Variants in BEST3 observed in about 807,000 individuals in gnomAD.
BEST3 encodes the protein bestrophin-3.
BEST3 carries 50 observed loss-of-function variants against 47.1 expected under a neutral mutation model. The observed-to-expected ratio is 1.06, with a 90% CI of 0.85 to 1.34. BEST3 has a LOEUF of 1.34. Ranked by LOEUF, BEST3 falls within the 40% of genes most tolerant of loss-of-function variation. The pLI is 0.00. For synonymous variants in BEST3, 282 were observed against 298.8 expected, an observed-to-expected ratio of 0.94 and a Z score of 0.58; for missense variants, 765 against 817.0, an observed-to-expected ratio of 0.94 and a Z score of 0.78.
intron 1 of BEST3, 24 bp downstream of exon 1, chr12:69,699,181 C>T: frequency 1.0e-6 from 1 of 976,242 alleles, no homozygotes; most frequent in Non-Finnish European, 1.2e-6. Context: ...AATTAAAATG[C>T]ATAGGTTTAC....
chr12:69,687,181 G>A (rs1056643027), intron 4 of BEST3: 1 of 152,238 alleles, frequency 6.6e-6, no homozygotes, highest in African/African-American at 2.4e-5. Context: ...TAGAGCCAGA[G>A]CATCTGAAGT....
downstream of BEST3, among the ~76,000 whole-genome samples, chr12:69,651,419 G>A (rs1474321336): frequency 1.3e-5 from 2 of 152,136 alleles, no homozygotes; most frequent in Non-Finnish European, 2.9e-5. Context: ...ATGGCCACTT[G>A]GGCTCAGTAG....
In BEST3 at chr12:69,699,236, AAG is replaced by A; in HGVS notation, c.-49_-48del. ...ATTTGGTTTGTAGTCTCCGACAGGAAAGAGAATCTTCAAATTTCGGGCTCCCC... is the reference window on the plus strand; with the variant it reads ...ATTTGGTTTGTAGTCTCCGACAGGAAAGAATCTTCAAATTTCGGGCTCCCC... On this transcript the variant is annotated 5_prime_UTR_variant, in exon 1 of 10. Transcript: ENST00000330891. 1 of 985,440 alleles carries A rather than the reference AAG, an allele frequency of 1.0e-6. No homozygotes were observed. Among genetic ancestry groups the A allele is most frequent in the South Asian group, 4.7e-5 (1 of 21,284 alleles). The allele number at this position is 985,440 out of a possible 1,614,324, so 61.0% of individuals were successfully genotyped here. A position where few individuals can be genotyped will look rare whatever the true frequency, so the allele number is the denominator to read the frequency against.
intron 9 of BEST3, among the ~76,000 whole-genome samples, chr12:69,659,794 TA>T (rs1369763751): frequency 1.3e-5 from 2 of 152,136 alleles, no homozygotes; most frequent in African/African-American, 4.8e-5. Flanking sequence ...AGGCTCAATA[TA>T]ATACCACTTA....
Position 69,653,973 on chromosome 12 carries a change from G to C in BEST3, c.*934C>G, listed in dbSNP as rs11177774. ...GCAAATTTCATATTCTCTTGGCTTC[G>C]TTTTTCTCCAGTGCCCAACACCAAA... On this transcript the variant is annotated 3_prime_UTR_variant, in exon 10 of 10. Transcript: ENST00000330891. 175,139 of 985,292 alleles carry C rather than the reference G, an allele frequency of 0.18. 15,992 individuals carry two copies. The highest frequency in any genetic ancestry group is 0.19 in the Middle Eastern group (363 of 1,914). The allele number at this position is 985,292 out of a possible 1,614,324, so 61.0% of individuals were successfully genotyped here.
At chr12:69,674,552 TTC>T (rs1426298761) in intron 7 of BEST3, among the ~76,000 whole-genome samples, 1 of 152,208 alleles carries the variant, frequency 6.6e-6, no homozygotes, top group Non-Finnish European at 1.5e-5. Flanking sequence ...TATCTGCCCT[TTC>T]TTGCCTGGAG....
intron 4 of BEST3, among the ~76,000 whole-genome samples, chr12:69,692,181 AAAC>A (rs1260301577): frequency 1.3e-5 from 2 of 152,198 alleles, no homozygotes; most frequent in African/African-American, 4.8e-5. Flanking sequence ...GGCAAAACAA[AAAC>A]AACAACAACA....
intron 9 of BEST3, chr12:69,669,895 A>T (rs183816501): frequency 6.6e-6 from 1 of 152,342 alleles, no homozygotes; most frequent in African/African-American, 2.4e-5. Context: ...TCAAAAAATT[A>T]TCTTAACCAT....
At chr12:69,656,816 G>A (rs950153270) in intron 9 of BEST3, among the ~76,000 whole-genome samples, 4 of 152,126 alleles carry the variant, frequency 2.6e-5, no homozygotes, top group African/African-American at 4.8e-5. Flanking sequence ...AGGGGTCAAG[G>A]GATGAGCTAG....
At chr12:69,663,284 T>C (rs974844865) in intron 9 of BEST3, among the ~76,000 whole-genome samples, 2 of 152,172 alleles carry the variant, frequency 1.3e-5, no homozygotes, top group African/African-American at 4.8e-5. Context: ...TTTTTGTTCA[T>C]TTTTTTTTAA....
At chr12:69,649,286 C>G (rs1229107249), downstream of BEST3, among the ~76,000 whole-genome samples, 2 of 152,260 alleles carry the variant, frequency 1.3e-5, no homozygotes, top group African/African-American at 2.4e-5. Flanking sequence ...GCATGAGCCA[C>G]TGTGCCGGAT....
At chr12:69,687,872 G>C (rs943040069) in intron 4 of BEST3, among the ~76,000 whole-genome samples, 5 of 152,162 alleles carry the variant, frequency 3.3e-5, no homozygotes, top group African/African-American at 1.2e-4. Flanking sequence ...TTTAAGATAA[G>C]ATTTGTAGTA....
intron 9 of BEST3, chr12:69,660,815 A>G (rs1385411434): frequency 6.6e-6 from 1 of 152,224 alleles, no homozygotes; most frequent in Non-Finnish European, 1.5e-5. Context: ...AAGGGAGAGC[A>G]TGCATTATTT....
At chr12:69,664,136 G>C (rs922252967) in intron 9 of BEST3, among the ~76,000 whole-genome samples, 1 of 152,170 alleles carries the variant, frequency 6.6e-6, no homozygotes, top group Non-Finnish European at 1.5e-5. Flanking sequence ...CATTTGGAGT[G>C]TTGATTTTGA....
At chr12:69,655,851 T>C in intron 9 of BEST3, 38 bp from the exon 10 acceptor site, 11 of 1,551,900 alleles carry the variant, frequency 7.1e-6, no homozygotes, top group Non-Finnish European at 9.6e-6. Flanking sequence ...CAGAGTAGCT[T>C]CGGGGGCCTA....
Position 69,693,758 on chromosome 12 carries a change from T to G in BEST3, c.397A>C (p.Asn133His), listed in dbSNP as rs1390765541. 4 of 1,614,148 alleles carry G rather than the reference T, an allele frequency of 2.5e-6. No individual in the cohort carries two copies. Among genetic ancestry groups the G allele is most frequent in the Non-Finnish European group, 3.4e-6 (4 of 1,180,028 alleles). ...LLRRTLMRYVNLTSLLIFRSV... is the reference protein window; with the variant it reads ...LLRRTLMRYVHLTSLLIFRSV... ...CGAAAGATGAGCAGGGAGGTGAGAT[T>G]GACGTAGCGCATCAGCGTCCTTCTA... is the stretch of plus-strand genomic sequence containing the variant. The change falls in exon 4 of 10, where the codon AAT becomes CAT. Residue 133 changes from asparagine (N) to histidine (H), a missense_variant. Coordinates refer to ENST00000330891, the MANE Select transcript of BEST3 (RefSeq NM_032735.3).
rs1235864660 is a variant in BEST3, at chr12:69,655,741, C to G, written c.1173G>C (p.Met391Ile). 10 of 1,613,764 alleles carry G rather than the reference C, an allele frequency of 6.2e-6. No homozygotes were observed. The highest frequency in any genetic ancestry group is 7.6e-6 in the Non-Finnish European group (9 of 1,179,956). The change falls in exon 10 of 10, where the codon ATG becomes ATC. Residue 391 changes from methionine (M) to isoleucine (I), a missense_variant. Transcript: ENST00000330891. ...DYEKHGHRHSMIRRVKRFLSA... is the reference protein window; with the variant it reads ...DYEKHGHRHSIIRRVKRFLSA... ...TCAGGAACCGCTTGACTCTTCTTAT[C>G]ATGGAATGCCGATGGCCATGCTTCT...
chr12:69,649,610 T>C (rs10506568), downstream of BEST3, among the ~76,000 whole-genome samples: 46,916 of 152,134 alleles, frequency 0.31, 8,136 homozygotes, highest in South Asian at 0.54. Context: ...TTTTACCTTC[T>C]TATTGGCCTA....
chr12:69,673,086 A>C, intron 7 of BEST3, 121 bp from the exon 8 acceptor site: 1 of 703,558 alleles, frequency 1.4e-6, no homozygotes, highest in Non-Finnish European at 2.4e-6. Context: ...CGAAGAGTAG[A>C]GGGGAGTAGA....
Sources: allele counts gnomAD v4.1 joint callset (sites outside exome capture counted in the v4.1 genomes callset), GRCh38; gene constraint gnomAD v4.1.1; transcripts MANE v1.5; gene names NCBI Gene and HGNC (gene_info 2026-07-23, HGNC 2026-07-21).